CSMD1: variants seen among roughly 807,000 people sequenced by gnomAD.
CSMD1 encodes CUB and Sushi multiple domains 1.
Under a neutral mutation model 417.5 loss-of-function variants are expected in CSMD1, and 213 were observed. The ratio of observed to expected loss-of-function variants is 0.51; its 90% CI spans 0.46 to 0.57. The LOEUF is 0.57. CSMD1 is among the 20% of genes least tolerant of loss of function. The pLI, the probability that CSMD1 is intolerant of heterozygous loss-of-function variation, is 0.00. For missense variants in CSMD1, 6,923 were observed against 4,529.7 expected, an observed-to-expected ratio of 1.53 and a Z score of -15.17; for synonymous variants, 2,862 against 1,736.8, an observed-to-expected ratio of 1.65 and a Z score of -16.11.
chr8:4,217,923 T>C (rs1179002949), intron 3 of CSMD1, among the ~76,000 whole-genome samples: 7 of 152,060 alleles, frequency 4.6e-5, no homozygotes, highest in African/African-American at 1.7e-4. Context: ...AAGAACAAGA[T>C]TCAGGAGCAA....
chr8:4,487,161 G>C (rs1241662806), intron 2 of CSMD1, among the ~76,000 whole-genome samples: 2 of 152,056 alleles, frequency 1.3e-5, no homozygotes, highest in South Asian at 2.1e-4. Context: ...TAATGATGAA[G>C]TTTCTTTCTT....
In CSMD1 at chr8:3,855,821, C is replaced by T. The variant is rs75951126; in HGVS notation, c.819-101779G>A. On this transcript the variant is annotated intron_variant, in intron 5 of 69. Transcript: ENST00000635120. ...TAGAATTTTTACTAGTAGGGTATTA[C>T]GTAAACATCTTTGATTTAGAGTTCA... 4.4e-3 allele frequency among the ~76,000 whole-genome samples: 676 copies of T among 152,184 alleles called. 5 individuals are homozygous for T. The highest frequency in any genetic ancestry group is 0.014 in the African/African-American group (599 of 41,528).
chr8:4,430,218 G>A lies in CSMD1; in HGVS notation c.303-10153C>T, dbSNP rs551253572. Among the ~76,000 whole-genome samples the A allele has an allele frequency of 3.3e-5, 5 of 152,254 alleles. No individual in the cohort carries two copies. The South Asian group carries it at 1.0e-3, about 32-fold the overall frequency. On this transcript the variant is annotated intron_variant, in intron 2 of 69. Transcript: ENST00000635120. ...CCTTTATCTCAGGAGTTAGGCCCCA[G>A]CTTTCTCATGCCATGAATACTGGGT...
At chr8:4,854,253 G>C (rs1297225019) in intron 1 of CSMD1, among the ~76,000 whole-genome samples, 1 of 152,196 alleles carries the variant, frequency 6.6e-6, no homozygotes, top group East Asian at 1.9e-4. Context: ...TAAGTCTTAT[G>C]TTGAAATATA....
In CSMD1 at chr8:4,274,800, C is replaced by T. The variant is rs181214891; in HGVS notation, c.415+145153G>A. ...TTTTTATCACTTGGAAAAATATTGC[C>T]ACCCTCAACAAAATTTATGACTGCT... On this transcript the variant is annotated intron_variant, in intron 3 of 69. Coordinates refer to ENST00000635120, the MANE Select transcript of CSMD1 (RefSeq NM_033225.6). Among the ~76,000 whole-genome samples, 688 of 152,184 alleles carry T rather than the reference C, an allele frequency of 4.5e-3. 3 individuals are homozygous for T. Among genetic ancestry groups the T allele is most frequent in the African/African-American group, 0.016 (657 of 41,554 alleles).
At chr8:3,077,377 TCAA>T (rs1400530907) in intron 49 of CSMD1, among the ~76,000 whole-genome samples, 2 of 152,000 alleles carry the variant, frequency 1.3e-5, no homozygotes, top group Non-Finnish European at 2.9e-5. Context: ...ACTCCACACC[TCAA>T]CAACAGTGCA....
intron 12 of CSMD1, among the ~76,000 whole-genome samples, chr8:3,434,136 G>A (rs1328953199): frequency 2.0e-5 from 3 of 152,284 alleles, no homozygotes; most frequent in East Asian, 1.9e-4. Flanking sequence ...ATACCTTTGA[G>A]GTTCTCTGGC....
chr8:4,912,339 C>T (rs1040609968), intron 1 of CSMD1, among the ~76,000 whole-genome samples: 1 of 140,122 alleles, frequency 7.1e-6, no homozygotes, highest in African/African-American at 2.7e-5. Flanking sequence ...GAATTTCTTA[C>T]ATTAAGAAAT....
intron 2 of CSMD1, among the ~76,000 whole-genome samples, chr8:4,440,859 T>TG (rs1179736229): frequency 1.3e-5 from 2 of 151,058 alleles, no homozygotes; most frequent in Non-Finnish European, 2.9e-5. Flanking sequence ...TAGCTGGGAG[T>TG]GGGGGTGAAT....
chr8:4,051,879 T>TCTTCCTTCCTTCCTTC, intron 3 of CSMD1, among the ~76,000 whole-genome samples: 1 of 61,944 alleles, frequency 1.6e-5, no homozygotes, highest in African/African-American at 4.5e-5. Context: ...CTTCCTCCTT[T>TCTTCCTTCCTTCCTTC]CTTCCTTCCT....
At chr8:3,400,523 G>A (rs949995127) in intron 15 of CSMD1, among the ~76,000 whole-genome samples, 13 of 151,942 alleles carry the variant, frequency 8.6e-5, no homozygotes, top group Admixed American at 3.3e-4. Flanking sequence ...CTTAATTTAC[G>A]TCAGGAAACA....
rs760798324 is a variant in CSMD1, at chr8:2,978,768, T to A, written c.8410A>T (p.Asn2804Tyr). Residue 2804 changes from asparagine to tyrosine, a missense_variant, in exon 55 of 70, where the codon AAT becomes TAT. By Grantham distance (143) the Asn-to-Tyr change is moderately radical (BLOSUM62 -2). Coordinates refer to ENST00000635120, the MANE Select transcript of CSMD1 (RefSeq NM_033225.6). ...VNCSDPGFVENAIRHGQQNFP... is the reference protein window; with the variant it reads ...VNCSDPGFVEYAIRHGQQNFP... ...TTCTGTTGCCCGTGACGAATGGCAT[T>A]TTCCACAAAGCCTGGATCAGAACAG... 6.2e-7 allele frequency: 1 copy of A among 1,613,508 alleles called. No individual in the cohort carries two copies. Among genetic ancestry groups the A allele is most frequent in the Admixed American group, 1.7e-5 (1 of 59,972 alleles).
intron 4 of CSMD1, among the ~76,000 whole-genome samples, chr8:4,013,894 A>G (rs774518213): frequency 1.3e-5 from 2 of 152,146 alleles, no homozygotes; most frequent in Admixed American, 6.6e-5. Flanking sequence ...TGAAAACAAA[A>G]TATTTGCTAT....
intron 7 of CSMD1, among the ~76,000 whole-genome samples, chr8:3,676,662 A>G (rs1799389452): frequency 1.3e-5 from 2 of 152,192 alleles, no homozygotes; most frequent in Non-Finnish European, 2.9e-5. Context: ...TGGGTAGAGT[A>G]TATGAATCAA....
At chr8:4,786,640 C>G (rs541410833) in intron 1 of CSMD1, among the ~76,000 whole-genome samples, 1 of 152,302 alleles carries the variant, frequency 6.6e-6, no homozygotes, top group African/African-American at 2.4e-5. Flanking sequence ...CTGATCTGAG[C>G]CTGAATCCAA....
intron 10 of CSMD1, among the ~76,000 whole-genome samples, chr8:3,514,495 A>C (rs1004127462): frequency 2.0e-5 from 3 of 152,214 alleles, no homozygotes; most frequent in African/African-American, 7.2e-5. Flanking sequence ...TTTGGAATTG[A>C]CTAAAAATGG....
intron 3 of CSMD1, among the ~76,000 whole-genome samples, chr8:4,162,387 T>C (rs55777337): frequency 0.38 from 57,902 of 151,970 alleles, 11,273 homozygotes; most frequent in Middle Eastern, 0.5. Flanking sequence ...TTTGGTTTTA[T>C]CTTGACAGTA....
At chr8:4,602,529 G>T (rs1427757622) in intron 2 of CSMD1, among the ~76,000 whole-genome samples, 1 of 152,120 alleles carries the variant, frequency 6.6e-6, no homozygotes, top group East Asian at 1.9e-4. Context: ...AATATATTAG[G>T]AACATATTGG....
At chr8:4,688,211 A>G (rs575899730) in intron 1 of CSMD1, among the ~76,000 whole-genome samples, 2 of 152,282 alleles carry the variant, frequency 1.3e-5, no homozygotes, top group Non-Finnish European at 2.9e-5. Flanking sequence ...TGGGTTTTAA[A>G]TATCAATCCT....
Sources: allele counts gnomAD v4.1 joint callset (sites outside exome capture counted in the v4.1 genomes callset), GRCh38; gene constraint gnomAD v4.1.1; transcripts MANE v1.5; gene names NCBI Gene and HGNC (gene_info 2026-07-23, HGNC 2026-07-21).